The following SLC4A5 variants were observed in gnomAD, a reference collection of about 807,000 sequenced individuals.
SLC4A5 encodes the protein electrogenic sodium bicarbonate cotransporter 4.
SLC4A5 carries 96 observed loss-of-function variants against 120.4 expected under a neutral mutation model. The ratio of observed to expected loss-of-function variants is 0.80; its 90% CI spans 0.68 to 0.94. The LOEUF (loss-of-function observed/expected upper bound fraction) is 0.94, where lower values mean the gene tolerates loss of function less well. Among genes scored for constraint, SLC4A5 ranks in the 40% least tolerant of loss-of-function variants. The pLI is 0.00. For missense variants in SLC4A5, 1,259 were observed against 1,459.5 expected (o/e 0.86, Z 2.24); for synonymous variants, 550 against 571.1 (o/e 0.96, Z 0.53).
chr2:74,314,115 G>A (rs1672891179), intron 6 of SLC4A5, among the ~76,000 whole-genome samples: 1 of 152,176 alleles, frequency 6.6e-6, no homozygotes. Flanking sequence ...AGAGGAGATG[G>A]CTGTCAAAAA....
chr2:74,260,054 T>C (rs1165525269), intron 11 of SLC4A5, among the ~76,000 whole-genome samples: 1 of 152,232 alleles, frequency 6.6e-6, no homozygotes, highest in Non-Finnish European at 1.5e-5. Flanking sequence ...GTTTCACCTC[T>C]GTCCTCCATG....
intron 8 of SLC4A5, among the ~76,000 whole-genome samples, chr2:74,274,400 T>C (rs539816402): frequency 4.0e-5 from 6 of 148,596 alleles, no homozygotes; most frequent in South Asian, 4.2e-4. Flanking sequence ...AAAATATGTA[T>C]GTGAGATAGT....
chr2:74,286,266 C>T (rs1445838167), intron 7 of SLC4A5, among the ~76,000 whole-genome samples: 1 of 152,180 alleles, frequency 6.6e-6, no homozygotes, highest in Non-Finnish European at 1.5e-5. Flanking sequence ...TTCTTCTTCC[C>T]ACCGGGCCCC....
At chr2:74,225,549 T>C (rs1694812825) in intron 27 of SLC4A5, among the ~76,000 whole-genome samples, 2 of 152,260 alleles carry the variant, frequency 1.3e-5, no homozygotes, top group Non-Finnish European at 1.5e-5. Context: ...TGAGCCAAGA[T>C]TGTGCCACTG....
At chr2:74,262,045 G>A in intron 11 of SLC4A5, 92 bp downstream of exon 11, 1 of 1,173,492 alleles carries the variant, frequency 8.5e-7, no homozygotes, top group Non-Finnish European at 1.2e-6. Flanking sequence ...GCAGATCCTG[G>A]GCTTTGTCTC....
At position 74,259,648 on chromosome 2, in the gene SLC4A5, G is replaced by A. The variant is rs1027188804; in HGVS notation, c.812-5C>T. 8.1e-6 allele frequency: 13 copies of A among 1,614,060 alleles called. No homozygotes were observed. Among genetic ancestry groups the A allele is most frequent in the Non-Finnish European group, 1.1e-5 (13 of 1,180,024 alleles). On this transcript the variant is annotated splice_polypyrimidine_tract_variant and splice_region_variant and intron_variant, in intron 11 of 30. Coordinates refer to ENST00000394019, the Ensembl canonical transcript of SLC4A5. ...TGCTTCTGCTCTGGGCATGACCTAGGAGAAAAGGAAAAGAAGATCCATCAG... is the reference window on the plus strand; with the variant it reads ...TGCTTCTGCTCTGGGCATGACCTAGAAGAAAAGGAAAAGAAGATCCATCAG...
intron 25 of SLC4A5, among the ~76,000 whole-genome samples, chr2:74,228,383 TTTG>T (rs1694923336): frequency 1.3e-5 from 2 of 152,272 alleles, no homozygotes; most frequent in Non-Finnish European, 2.9e-5. Flanking sequence ...GTCCTAGCAC[TTTG>T]GGAGGCCAAG....
chr2:74,226,144 G>A (rs1279645249), intron 27 of SLC4A5, among the ~76,000 whole-genome samples: 1 of 152,212 alleles, frequency 6.6e-6, no homozygotes, highest in African/African-American at 2.4e-5. Flanking sequence ...TTTCCCTAGA[G>A]ATTCTGATTT....
intron 21 of SLC4A5, among the ~76,000 whole-genome samples, chr2:74,236,455 T>G (rs1218899359): frequency 6.6e-6 from 1 of 152,094 alleles, no homozygotes; most frequent in African/African-American, 2.4e-5. Flanking sequence ...TCCTACCACC[T>G]CTCTCCTCCT....
chr2:74,308,044 G>T, intron 6 of SLC4A5: 1 of 512,034 alleles, frequency 2.0e-6, no homozygotes. Context: ...AAAGGACTCA[G>T]GCTTTGCTGA....
intron 7 of SLC4A5, among the ~76,000 whole-genome samples, chr2:74,293,979 C>A (rs1447426045): frequency 2.0e-5 from 3 of 152,122 alleles, no homozygotes; most frequent in African/African-American, 7.2e-5. Flanking sequence ...AAAGGCAGGG[C>A]AGGCCTAAAG....
chr2:74,274,123 G>A (rs1045007392), intron 8 of SLC4A5, among the ~76,000 whole-genome samples: 4 of 152,198 alleles, frequency 2.6e-5, no homozygotes, highest in Non-Finnish European at 5.9e-5. Context: ...TCTATCTCAC[G>A]AGGTAGGTCT....
intron 3 of SLC4A5, among the ~76,000 whole-genome samples, chr2:74,337,153 C>T (rs1406402940): frequency 6.6e-6 from 1 of 152,132 alleles, no homozygotes; most frequent in Non-Finnish European, 1.5e-5. Context: ...TGGACTGAGC[C>T]CCACAGAGAA....
intron 17 of SLC4A5, 104 bp downstream of exon 17, chr2:74,250,239 T>C: frequency 8.8e-7 from 1 of 1,132,084 alleles, no homozygotes; most frequent in Non-Finnish European, 1.3e-6. Context: ...TCAACCTGGA[T>C]GGTAGATGAA....
rs572499113 is a variant in SLC4A5 at position 74,247,405 on chromosome 2, T to A, written c.1788-98A>T. On this transcript the variant is annotated intron_variant, in intron 18 of 30. Coordinates refer to ENST00000394019, the Ensembl canonical transcript of SLC4A5. The stretch of plus-strand genomic sequence containing the variant: ...CTTAAGTGGCTTATCTGTCCTCCTG[T>A]GGCACTGATGCCCTCCCAGGGACTG... 8.6e-6 allele frequency: 11 copies of A among 1,275,008 alleles called. No individual in the cohort carries two copies. In the Admixed American group the frequency reaches 2.3e-4, roughly 27 times the overall value. 79.0% of individuals were successfully genotyped at this position (1,275,008 alleles called of 1,614,324 possible). A position where few individuals can be genotyped will look rare whatever the true frequency, so the allele number is the denominator to read the frequency against.
intron 30 of SLC4A5, among the ~76,000 whole-genome samples, chr2:74,220,133 G>T (rs762262301): frequency 6.6e-6 from 1 of 152,188 alleles, no homozygotes; most frequent in Non-Finnish European, 1.5e-5. Context: ...ACTGCCCCTG[G>T]CATCTTCCCA....
Position 74,315,034 on chromosome 2 carries a change from T to G in SLC4A5, c.-2-9A>C, listed in dbSNP as rs1558910772. 2 of 1,609,780 alleles carry G rather than the reference T, an allele frequency of 1.2e-6. No individual in the cohort carries two copies. The highest frequency in any genetic ancestry group is 2.2e-5 in the South Asian group (2 of 91,002). On this transcript the variant is annotated splice_polypyrimidine_tract_variant and intron_variant, in intron 5 of 30. Transcript: ENST00000394019. ...CTCCTTCACCTTCATGACTATAAAG[T>G]AAAAGGAACACAGCCTCAAAATGTA... is the stretch of plus-strand genomic sequence containing the variant.
At chr2:74,283,430 C>T (rs1377682884) in intron 8 of SLC4A5, among the ~76,000 whole-genome samples, 4 of 152,180 alleles carry the variant, frequency 2.6e-5, no homozygotes, top group Admixed American at 6.5e-5. Flanking sequence ...ACACAGGGAC[C>T]GGGCCCAGAT....
exon 20 of SLC4A5, chr2:74,242,041 C>T (rs778716767): frequency 1.2e-5 from 20 of 1,605,568 alleles, no homozygotes; most frequent in Middle Eastern, 1.7e-4. Flanking sequence ...GCATTGAACA[C>T]GGTTGTATTC....
Sources: gnomAD v4.1 joint callset for allele counts (sites outside exome capture counted in the v4.1 genomes callset) on GRCh38, gnomAD v4.1.1 for gene constraint, MANE v1.5 for transcripts, NCBI Gene and HGNC (gene_info 2026-07-23, HGNC 2026-07-21) for gene names.